Variants in ABCC5 observed in about 807,000 individuals in gnomAD.
ABCC5 encodes ATP-binding cassette sub-family C member 5.
In ABCC5, 61 loss-of-function variants were observed where a neutral mutation model predicts 160.9. The observed-to-expected ratio is 0.38, with a 90% CI of 0.31 to 0.47. The LOEUF (loss-of-function observed/expected upper bound fraction) is 0.47. ABCC5 is among the 20% of genes least tolerant of loss of function. The pLI, the probability that ABCC5 is intolerant of heterozygous loss-of-function variation, is 0.99. For synonymous variants in ABCC5, 666 were observed against 700.6 expected (o/e 0.95, Z 0.78); for missense variants, 1,308 against 1,813.3 (o/e 0.72, Z 5.06).
rs1576894182 is a variant in ABCC5, at chr3:183,982,706, G to A, written c.825+68C>T. ...AGGAGGAAGATAAAGGATAAGGCAG[G>A]GCCCTAGAGGAATGAACCTCAAGCT... On this transcript the variant is annotated intron_variant, in intron 6 of 29. Coordinates refer to ENST00000334444, the MANE Select transcript of ABCC5 (RefSeq NM_005688.4). The surrounding 1 kb of genome is among the most constrained non-coding windows in gnomAD (Gnocchi z 5.2). 2 of 1,607,002 alleles carry A rather than the reference G, an allele frequency of 1.2e-6. No individual in the cohort carries two copies. The highest frequency in any genetic ancestry group is 3.3e-5 in the Admixed American group (2 of 59,802).
At chr3:183,938,226 T>A (rs971887962) in intron 25 of ABCC5, among the ~76,000 whole-genome samples, 166 bp from the exon 26 acceptor site, 2 of 152,174 alleles carry the variant, frequency 1.3e-5, no homozygotes, top group Non-Finnish European at 2.9e-5. Context: ...TGCAATTAAC[T>A]TTCCTGAGAT....
intron 22 of ABCC5, among the ~76,000 whole-genome samples, chr3:183,948,813 C>T (rs1232132309): frequency 6.6e-6 from 1 of 152,162 alleles, no homozygotes; most frequent in Admixed American, 6.5e-5. Context: ...AGTGATTCTC[C>T]TGCCTCAGCC....
intron 27 of ABCC5, among the ~76,000 whole-genome samples, chr3:183,928,403 C>T (rs143427438): frequency 5.8e-4 from 88 of 152,280 alleles, no homozygotes; most frequent in South Asian, 1.7e-3. Context: ...AGAGCCACTG[C>T]GCCCGGCCAC....
intron 24 of ABCC5, 75 bp downstream of exon 24, chr3:183,945,775 C>T (rs1229552514): frequency 2.5e-6 from 3 of 1,191,688 alleles, no homozygotes; most frequent in South Asian, 2.4e-5. Context: ...TCCTTGTACA[C>T]CCAGCTGAGG....
At chr3:183,928,020 C>A (rs998817678) in intron 27 of ABCC5, 1 of 160,232 alleles carries the variant, frequency 6.2e-6, no homozygotes, top group Non-Finnish European at 1.3e-5. Flanking sequence ...TCGTGAGGGC[C>A]TGTGAGGGCC....
intron 2 of ABCC5, among the ~76,000 whole-genome samples, chr3:184,003,987 C>T (rs1720961326): frequency 6.6e-6 from 1 of 152,086 alleles, no homozygotes; most frequent in Admixed American, 6.5e-5. Context: ...GCACTGCCTA[C>T]CTACTAGAAT....
rs1389670642 is a variant in ABCC5, at chr3:184,017,455, G to A, written c.-56+375C>T. On this transcript the variant is annotated intron_variant, in intron 1 of 29. Coordinates refer to ENST00000334444, the MANE Select transcript of ABCC5 (RefSeq NM_005688.4). This position sits in a 1 kb window ranked among gnomAD's most constrained non-coding sequence, Gnocchi z 4.5. Reference sequence around the variant, plus strand: ...TTTCTCTCAGACCCGCTTCGCCTGGGATGCCCGGGCCCTAGGGCGTTCCCA... The same window carrying A: ...TTTCTCTCAGACCCGCTTCGCCTGGAATGCCCGGGCCCTAGGGCGTTCCCA... The A allele has an allele frequency of 1.3e-5, 2 of 152,232 alleles. No individual in the cohort carries two copies. The highest frequency in any genetic ancestry group is 2.9e-5 in the Non-Finnish European group (2 of 68,064). 9.4% of individuals were successfully genotyped at this position (152,232 alleles called of 1,614,324 possible). A position where few individuals can be genotyped will look rare whatever the true frequency, so the allele number is the denominator to read the frequency against.
intron 1 of ABCC5, among the ~76,000 whole-genome samples, chr3:184,015,744 G>A (rs900039310): frequency 2.6e-5 from 4 of 151,046 alleles, no homozygotes; most frequent in Admixed American, 2.0e-4. Flanking sequence ...AAAGAACAGC[G>A]GCTCACCAAG....
chr3:183,971,703 C>G lies in ABCC5; in HGVS notation c.1621G>C (p.Val541Leu). The change falls in exon 11 of 30, where the codon GTG becomes CTG. Residue 541 changes from valine (V) to leucine (L), a missense_variant. This residue lies in a region of ABCC5 where 1,142 missense variants were observed against 1,527.1 expected (regional missense o/e 0.75). Transcript: ENST00000334444. ...AGGTGGCCTTTCTGCTCTGCCAGCACCGCCTGATGCTCAGTGCGCTGCAGC... is the reference window on the plus strand; with the variant it reads ...AGGTGGCCTTTCTGCTCTGCCAGCAGCGCCTGATGCTCAGTGCGCTGCAGC... ...RQLQRTEHQA[V>L]LAEQKGHLLL... 6.2e-7 allele frequency: 1 copy of G among 1,614,200 alleles called. No homozygotes were observed. The highest frequency in any genetic ancestry group is 8.5e-7 in the Non-Finnish European group (1 of 1,180,034).
chr3:184,013,682 G>A (rs76123766), intron 2 of ABCC5, among the ~76,000 whole-genome samples: 7,128 of 152,140 alleles, frequency 0.047, 253 homozygotes, highest in East Asian at 0.17. Context: ...CCCTCAATAA[G>A]TTGTCTTCTG....
In ABCC5 at chr3:183,992,788, C is replaced by CA. The variant is rs1267729917; in HGVS notation, c.130-3406dup. ...TGAGCGAAAGAGCGAGACTCCGTCTCAAAAAAAAAATAAAAAATAAAAAAA... is the reference window on the plus strand; with the variant it reads ...TGAGCGAAAGAGCGAGACTCCGTCTCAAAAAAAAAAATAAAAAATAAAAAAA... On this transcript the variant is annotated intron_variant, in intron 2 of 29. Coordinates refer to ENST00000334444, the MANE Select transcript of ABCC5 (RefSeq NM_005688.4). Among the ~76,000 whole-genome samples, 80 of 138,632 alleles carry CA rather than the reference C, an allele frequency of 5.8e-4. 1 individual carries two copies. The highest frequency in any genetic ancestry group is 1.3e-3 in the African/African-American group (47 of 37,476). 90.9% of individuals were successfully genotyped at this position (138,632 alleles called of 152,430 possible).
At chr3:183,937,469 C>A (rs931823337) in intron 26 of ABCC5, among the ~76,000 whole-genome samples, 3 of 152,178 alleles carry the variant, frequency 2.0e-5, no homozygotes, top group African/African-American at 7.2e-5. Context: ...GTCAATGAGG[C>A]TGATGACAGC....
intron 24 of ABCC5, among the ~76,000 whole-genome samples, chr3:183,944,314 G>A (rs1714639519): frequency 6.6e-6 from 1 of 152,026 alleles, no homozygotes; most frequent in South Asian, 2.1e-4. Context: ...AGGATCACTT[G>A]AGCCTGGGAG....
At position 183,988,486 on chromosome 3, in the gene ABCC5, AG is replaced by A; in HGVS notation, c.443+85del. ...TCCACTGGACAGCTCGGCTCTTTAA[AG>A]ACACAGAGCTGTGGACTTCACACTC... On this transcript the variant is annotated intron_variant, in intron 4 of 29. Coordinates refer to ENST00000334444, the MANE Select transcript of ABCC5 (RefSeq NM_005688.4). The surrounding 1 kb of genome is among the most constrained non-coding windows in gnomAD (Gnocchi z 4.4). 1 of 1,502,206 alleles carries A rather than the reference AG, an allele frequency of 6.7e-7. No homozygotes were observed. The highest frequency in any genetic ancestry group is 8.9e-7 in the Non-Finnish European group (1 of 1,123,926). 93.1% of individuals were successfully genotyped at this position (1,502,206 alleles called of 1,614,324 possible). A position where few individuals can be genotyped will look rare whatever the true frequency, so the allele number is the denominator to read the frequency against.
intron 9 of ABCC5, among the ~76,000 whole-genome samples, 187 bp downstream of exon 9, chr3:183,978,314 ATT>A (rs11287890): frequency 2.6e-5 from 4 of 150,976 alleles, no homozygotes; most frequent in Non-Finnish European, 4.4e-5. Flanking sequence ...CATATGTGGT[ATT>A]TTTTTTTTGT....
At chr3:183,968,308 C>A (rs1314075477) in intron 11 of ABCC5, among the ~76,000 whole-genome samples, 2 of 151,992 alleles carry the variant, frequency 1.3e-5, no homozygotes, top group African/African-American at 2.4e-5. Context: ...CAGGGTTTCG[C>A]CATGTTGGTC....
chr3:184,012,752 C>T (rs964143908), intron 2 of ABCC5, among the ~76,000 whole-genome samples: 2 of 152,170 alleles, frequency 1.3e-5, no homozygotes, highest in Non-Finnish European at 2.9e-5. Context: ...AAAACTGGCA[C>T]CACGAGAAGC....
At chr3:183,924,050 C>T (rs547278683) in intron 29 of ABCC5, among the ~76,000 whole-genome samples, 57 of 134,358 alleles carry the variant, frequency 4.2e-4, no homozygotes, top group Non-Finnish European at 7.6e-4. Flanking sequence ...AGGTCTCACT[C>T]TGTCACCCAG....
At position 183,977,618 on chromosome 3, in the gene ABCC5, T is replaced by C; in HGVS notation, c.1303A>G (p.Thr435Ala). 5.6e-6 allele frequency: 9 copies of C among 1,612,486 alleles called. No individual in the cohort carries two copies. The highest frequency in any genetic ancestry group is 6.8e-6 in the Non-Finnish European group (8 of 1,178,810). Reference protein sequence around the residue: ...GFDLTAAQAFTVVTVFNSMTF... With the variant: ...GFDLTAAQAFAVVTVFNSMTF... The stretch of plus-strand genomic sequence containing the variant: ...ATGGAATTGAAGACTGTCACCACTG[T>C]GAAAGCCTGAAAATAGGAGAAGAGA... Residue 435 changes from threonine (T) to alanine (A), a missense_variant, in exon 10 of 30, where the codon ACA becomes GCA. Around this residue, in one of 3 missense-constraint regions of ABCC5, gnomAD observed 1,142 missense variants for 1,527.1 expected, o/e 0.75. Transcript: ENST00000334444.
Sources: allele counts gnomAD v4.1 joint callset (sites outside exome capture counted in the v4.1 genomes callset), GRCh38; gene constraint gnomAD v4.1.1; regional missense constraint gnomAD v4.1.1; non-coding constraint Gnocchi (gnomAD v3.1); transcripts MANE v1.5; gene names NCBI Gene and HGNC (gene_info 2026-07-23, HGNC 2026-07-21).